ZCCHC24: variants seen among roughly 807,000 people sequenced by gnomAD.
ZCCHC24 encodes the protein zinc finger CCHC domain-containing protein 24.
A neutral mutation model predicts 26.2 loss-of-function variants in ZCCHC24; 10 were observed. That is an observed-to-expected ratio of 0.38 (90% CI 0.24 to 0.65). ZCCHC24 has a LOEUF of 0.65. Ranked by LOEUF, ZCCHC24 falls within the 30% of genes least tolerant of loss-of-function variation. The probability of loss-of-function intolerance (pLI) is 0.54; values close to 1 mark genes in which losing one functional copy is unlikely to be tolerated. For synonymous variants in ZCCHC24, 144 were observed against 147.1 expected (o/e 0.98, Z 0.15); for missense variants, 243 against 329.1 (o/e 0.74, Z 2.03).
chr10:79,419,514 C>T (rs187795418), intron 2 of ZCCHC24, among the ~76,000 whole-genome samples: 62 of 152,306 alleles, frequency 4.1e-4, no homozygotes, highest in African/African-American at 6.3e-4. Context: ...GAACCTTCCC[C>T]GGAGTCTTCA....
chr10:79,412,438 G>C (rs2132196348), intron 2 of ZCCHC24, among the ~76,000 whole-genome samples: 1 of 152,376 alleles, frequency 6.6e-6, no homozygotes, highest in Non-Finnish European at 1.5e-5. Context: ...TACGTACATG[G>C]TGTGGGTGGC....
chr10:79,410,192 T>C lies in ZCCHC24; in HGVS notation c.448-15752A>G, dbSNP rs569651438. Among the ~76,000 whole-genome samples, 249 of 152,346 alleles carry C rather than the reference T, an allele frequency of 1.6e-3. 1 individual carries two copies. Among genetic ancestry groups the C allele is most frequent in the Admixed American group, 4.4e-3 (67 of 15,300 alleles). ...ATTTGTCTCTACTCAAGTTGTCATG[T>C]CCTCAGAGACACCATCCCTGACAAC... On this transcript the variant is annotated intron_variant, in intron 2 of 3. Transcript: ENST00000372336.
intron 3 of ZCCHC24, among the ~76,000 whole-genome samples, chr10:79,388,516 A>AGT (rs1413392453): frequency 6.6e-6 from 1 of 152,136 alleles, no homozygotes; most frequent in Non-Finnish European, 1.5e-5. Flanking sequence ...CTCATCCTGG[A>AGT]GATCCCAGCC....
intron 2 of ZCCHC24, among the ~76,000 whole-genome samples, chr10:79,418,137 T>C (rs1856890250): frequency 6.6e-6 from 1 of 152,180 alleles, no homozygotes; most frequent in Non-Finnish European, 1.5e-5. Flanking sequence ...CTAAACACCC[T>C]CGCTCGCACA....
intron 2 of ZCCHC24, among the ~76,000 whole-genome samples, chr10:79,429,650 CTGAT>C (rs1564639850): frequency 6.6e-6 from 1 of 152,154 alleles, no homozygotes; most frequent in African/African-American, 2.4e-5. Flanking sequence ...ACAATGTTCT[CTGAT>C]TGAGGTGACA....
At chr10:79,389,961 G>A (rs1856455615) in intron 3 of ZCCHC24, among the ~76,000 whole-genome samples, 1 of 152,146 alleles carries the variant, frequency 6.6e-6, no homozygotes. Flanking sequence ...AGGCTGGAGT[G>A]CAGTGAATCC....
chr10:79,418,223 G>A (rs930454789), intron 2 of ZCCHC24, among the ~76,000 whole-genome samples: 3 of 152,166 alleles, frequency 2.0e-5, no homozygotes, highest in African/African-American at 4.8e-5. Context: ...TTCTCAAAGC[G>A]CGTTCACCTG....
chr10:79,400,029 T>C (rs1275153855), intron 2 of ZCCHC24, among the ~76,000 whole-genome samples: 1 of 152,196 alleles, frequency 6.6e-6, no homozygotes, highest in South Asian at 2.1e-4. Flanking sequence ...CTTCCAACTC[T>C]ACAGTCCTCC....
chr10:79,412,139 C>G (rs1856802051), intron 2 of ZCCHC24, among the ~76,000 whole-genome samples: 1 of 152,238 alleles, frequency 6.6e-6, no homozygotes, highest in Admixed American at 6.5e-5. Flanking sequence ...CACAGGTCTG[C>G]AGCTGCACAT....
intron 2 of ZCCHC24, among the ~76,000 whole-genome samples, chr10:79,429,213 A>G (rs1039533005): frequency 3.3e-5 from 5 of 152,238 alleles, no homozygotes; most frequent in Non-Finnish European, 7.3e-5. Context: ...TAGTTATATG[A>G]AATGTCCAGA....
chr10:79,425,996 T>C (rs1857022065), intron 2 of ZCCHC24, among the ~76,000 whole-genome samples: 1 of 152,200 alleles, frequency 6.6e-6, no homozygotes. Flanking sequence ...CTGCCCTTTG[T>C]TGACATTCAG....
At chr10:79,400,649 T>G (rs1856616779) in intron 2 of ZCCHC24, among the ~76,000 whole-genome samples, 1 of 152,244 alleles carries the variant, frequency 6.6e-6, no homozygotes, top group Admixed American at 6.5e-5. Context: ...AGGCCCCTCC[T>G]GCCCCCTAGG....
chr10:79,434,729 C>T (rs145020999), intron 1 of ZCCHC24, among the ~76,000 whole-genome samples: 111 of 152,236 alleles, frequency 7.3e-4, no homozygotes, highest in African/African-American at 2.4e-3. Flanking sequence ...TTTAGGTGTG[C>T]GGCAAAATAT....
chr10:79,423,610 T>TATATATATA (rs1856985037), intron 2 of ZCCHC24, among the ~76,000 whole-genome samples: 3 of 140,334 alleles, frequency 2.1e-5, no homozygotes, highest in African/African-American at 8.1e-5. Flanking sequence ...TATATATATA[T>TATATATATA]TTTCTGACTG....
intron 1 of ZCCHC24, among the ~76,000 whole-genome samples, chr10:79,443,083 G>C (rs1345874979): frequency 1.3e-5 from 2 of 152,186 alleles, no homozygotes; most frequent in South Asian, 2.1e-4. Flanking sequence ...AAATTTAACA[G>C]ATAGGTAAGC....
In ZCCHC24 at chr10:79,385,805, G is replaced by A. The variant is rs186932633; in HGVS notation, c.*540C>T. Reference sequence around the variant, plus strand: ...GGATTTGGGGCTTAAGGTGGGCAAGGGACAGAGAGGTCCACTCCCCAGCCG... The same window carrying A: ...GGATTTGGGGCTTAAGGTGGGCAAGAGACAGAGAGGTCCACTCCCCAGCCG... On this transcript the variant is annotated 3_prime_UTR_variant, in exon 4 of 4. Transcript: ENST00000372336. The surrounding 1 kb of genome is among the most constrained non-coding windows in gnomAD (Gnocchi z 4.3). The A allele has an allele frequency of 5.0e-5, 10 of 198,944 alleles. No homozygotes were observed. The highest frequency in any genetic ancestry group is 9.1e-5 in the Non-Finnish European group (9 of 98,414). The allele number at this position is 198,944 out of a possible 1,614,324, so 12.3% of individuals were successfully genotyped here.
At chr10:79,440,428 G>T (rs1221813192) in intron 1 of ZCCHC24, among the ~76,000 whole-genome samples, 1 of 152,218 alleles carries the variant, frequency 6.6e-6, no homozygotes, top group Non-Finnish European at 1.5e-5. Flanking sequence ...ATTCCAGAAA[G>T]TTTGAGGACC....
At chr10:79,443,112 G>A (rs145871174) in intron 1 of ZCCHC24, among the ~76,000 whole-genome samples, 52 of 152,268 alleles carry the variant, frequency 3.4e-4, no homozygotes, top group African/African-American at 1.1e-3. Context: ...AGAGAGAGAC[G>A]GGGTTCCCTG....
chr10:79,416,759 G>A lies in ZCCHC24; in HGVS notation c.447+15799C>T, dbSNP rs149961472. On this transcript the variant is annotated intron_variant, in intron 2 of 3. Coordinates refer to ENST00000372336, the MANE Select transcript of ZCCHC24 (RefSeq NM_153367.4). ...AACATGTCCAAGCTGTGTGACCCTC[G>A]GCAAGTCACTTAGCCTCTCTGTGCC... Among the ~76,000 whole-genome samples the A allele has an allele frequency of 4.4e-3, 672 of 152,210 alleles. 2 individuals carry two copies. The highest frequency in any genetic ancestry group is 7.7e-3 in the Non-Finnish European group (525 of 68,012).
Sources: gnomAD v4.1 joint callset for allele counts (sites outside exome capture counted in the v4.1 genomes callset) on GRCh38, gnomAD v4.1.1 for gene constraint, Gnocchi (gnomAD v3.1) non-coding constraint, MANE v1.5 for transcripts, NCBI Gene and HGNC (gene_info 2026-07-23, HGNC 2026-07-21) for gene names.